CDH13: variants seen among roughly 807,000 people sequenced by gnomAD.
The protein encoded by CDH13 is cadherin-13.
Under a neutral mutation model 63.8 loss-of-function variants are expected in CDH13, and 24 were observed. The ratio of observed to expected loss-of-function variants is 0.38; its 90% confidence interval spans 0.27 to 0.53. CDH13 has a LOEUF of 0.53. Among genes scored for constraint, CDH13 ranks in the 20% least tolerant of loss-of-function variants. The pLI is 0.85. For missense variants in CDH13, 1,049 were observed against 903.1 expected (o/e 1.16, Z -2.07); for synonymous variants, 503 against 355.3 (o/e 1.42, Z -4.67).
intron 1 of CDH13, among the ~76,000 whole-genome samples, chr16:82,684,343 C>T (rs992941971): frequency 6.6e-6 from 1 of 152,100 alleles, no homozygotes; most frequent in Non-Finnish European, 1.5e-5. Flanking sequence ...TCATCAGTCC[C>T]TTAGATAACA....
chr16:82,672,917 T>C (rs995339103), intron 1 of CDH13, among the ~76,000 whole-genome samples: 1 of 151,390 alleles, frequency 6.6e-6, no homozygotes, highest in African/African-American at 2.4e-5. Context: ...TGGGCTCAAA[T>C]CTTCCTTCTG....
intron 2 of CDH13, among the ~76,000 whole-genome samples, chr16:82,934,009 T>A (rs541367647): frequency 6.6e-6 from 1 of 152,332 alleles, no homozygotes; most frequent in South Asian, 2.1e-4. Context: ...TCCATGGATC[T>A]ACCATCCTGG....
intron 5 of CDH13, among the ~76,000 whole-genome samples, chr16:83,229,624 G>T (rs370077622): frequency 6.6e-6 from 1 of 152,132 alleles, no homozygotes; most frequent in African/African-American, 2.4e-5. Flanking sequence ...TCCAGAAGGC[G>T]TATCTTTTCT....
chr16:83,050,095 A>G (rs1299572796), intron 3 of CDH13, among the ~76,000 whole-genome samples: 1 of 152,120 alleles, frequency 6.6e-6, no homozygotes, highest in Non-Finnish European at 1.5e-5. Flanking sequence ...GATACTCAGG[A>G]TTCTTTACAA....
intron 3 of CDH13, among the ~76,000 whole-genome samples, chr16:83,121,072 C>G (rs1388442635): frequency 1.3e-5 from 2 of 152,066 alleles, no homozygotes; most frequent in African/African-American, 2.4e-5. Context: ...AATGCTGTTT[C>G]TTTGTTTAGT....
chr16:83,611,246 C>G (rs889781709), intron 8 of CDH13, among the ~76,000 whole-genome samples: 9 of 152,016 alleles, frequency 5.9e-5, no homozygotes, highest in Non-Finnish European at 1.3e-4. Flanking sequence ...TTCCTCTTCT[C>G]TCTCTGAATG....
chr16:83,068,203 C>T (rs910027040), intron 3 of CDH13, among the ~76,000 whole-genome samples: 1 of 152,196 alleles, frequency 6.6e-6, no homozygotes, highest in Admixed American at 6.5e-5. Flanking sequence ...TATTTCTATA[C>T]ATTTTCTTAA....
chr16:83,739,192 T>G (rs1208785809), intron 10 of CDH13, among the ~76,000 whole-genome samples: 3 of 152,004 alleles, frequency 2.0e-5, no homozygotes, highest in Admixed American at 6.5e-5. Context: ...GCTGAATATC[T>G]GTTTTCCCCC....
intron 6 of CDH13, among the ~76,000 whole-genome samples, chr16:83,351,387 C>T (rs549621957): frequency 6.6e-6 from 1 of 151,798 alleles, no homozygotes; most frequent in South Asian, 2.1e-4. Flanking sequence ...GTGCCACCAT[C>T]CAGAGATAAC....
chr16:82,640,082 G>T (rs1309059505), intron 1 of CDH13, among the ~76,000 whole-genome samples: 1 of 152,226 alleles, frequency 6.6e-6, no homozygotes, highest in African/African-American at 2.4e-5. Context: ...AGCAGAGAAA[G>T]ACAGGAAACA....
chr16:83,014,801 TA>T lies in CDH13; in HGVS notation c.158-17208del, dbSNP rs1375584765. Among the ~76,000 whole-genome samples, 3 of 78,884 alleles carry T rather than the reference TA, an allele frequency of 3.8e-5. No individual in the cohort carries two copies. The Admixed American group carries it at 4.7e-4, about 12-fold the overall frequency. 51.8% of individuals were successfully genotyped at this position (78,884 alleles called of 152,430 possible). ...GTATATATATATATTTGTATATATA[TA>T]TGTATATATATTTGTATATATATAT... On this transcript the variant is annotated intron_variant, in intron 2 of 13. Coordinates refer to ENST00000567109, the MANE Select transcript of CDH13 (RefSeq NM_001257.5).
intron 2 of CDH13, among the ~76,000 whole-genome samples, chr16:83,029,384 G>C (rs1296401231): frequency 2.6e-5 from 4 of 152,156 alleles, no homozygotes; most frequent in Non-Finnish European, 5.9e-5. Flanking sequence ...ACAATATTTG[G>C]AGCCCCAAAG....
At chr16:82,871,074 A>T (rs950607483) in intron 2 of CDH13, among the ~76,000 whole-genome samples, 1 of 152,212 alleles carries the variant, frequency 6.6e-6, no homozygotes, top group Non-Finnish European at 1.5e-5. Flanking sequence ...GAAGTTTTTG[A>T]TGCTGTCTTG....
intron 1 of CDH13, among the ~76,000 whole-genome samples, chr16:82,691,634 G>A (rs987073200): frequency 2.0e-5 from 3 of 152,130 alleles, no homozygotes; most frequent in African/African-American, 7.2e-5. Flanking sequence ...GGCAAGCAAA[G>A]AAAATACATT....
chr16:82,736,464 G>A (rs570481759), intron 1 of CDH13, among the ~76,000 whole-genome samples: 2 of 152,262 alleles, frequency 1.3e-5, no homozygotes, highest in South Asian at 4.2e-4. Flanking sequence ...TGAACAAGTT[G>A]CAATTCTTGC....
rs1256631862 is a variant in CDH13, at chr16:83,799,466, A to G, written c.*4436A>G. ...TAAATCATTCAAAGGGGCAAATTCT[A>G]AAGGATCTCTAAGTAGTTGCTGATT... On this transcript the variant is annotated 3_prime_UTR_variant, in exon 14 of 14. Transcript: ENST00000567109. 2 of 152,158 alleles carry G rather than the reference A, an allele frequency of 1.3e-5. No individual in the cohort carries two copies. Among genetic ancestry groups the G allele is most frequent in the Non-Finnish European group, 2.9e-5 (2 of 68,022 alleles). 9.4% of individuals were successfully genotyped at this position (152,158 alleles called of 1,614,324 possible). A position where few individuals can be genotyped will look rare whatever the true frequency, so the allele number is the denominator to read the frequency against.
chr16:83,325,298 G>A (rs2090335506), intron 5 of CDH13, among the ~76,000 whole-genome samples: 1 of 152,162 alleles, frequency 6.6e-6, no homozygotes. Flanking sequence ...ATAACAATGA[G>A]AGAGGGGGAG....
At chr16:83,313,928 G>A (rs2090052632) in intron 5 of CDH13, among the ~76,000 whole-genome samples, 2 of 152,144 alleles carry the variant, frequency 1.3e-5, no homozygotes, top group South Asian at 4.2e-4. Context: ...AAACTGTGGT[G>A]CAATATGATG....
intron 2 of CDH13, among the ~76,000 whole-genome samples, chr16:82,952,756 T>A (rs562418854): frequency 2.6e-5 from 4 of 152,184 alleles, no homozygotes; most frequent in Non-Finnish European, 5.9e-5. Context: ...CTGTCCACCA[T>A]TCTCTACTCT....
Sources: gnomAD v4.1 joint callset for allele counts (sites outside exome capture counted in the v4.1 genomes callset) on GRCh38, gnomAD v4.1.1 for gene constraint, MANE v1.5 for transcripts, NCBI Gene and HGNC (gene_info 2026-07-23, HGNC 2026-07-21) for gene names.